CAMSAP2: variants seen among roughly 807,000 people sequenced by gnomAD.
CAMSAP2 encodes calmodulin regulated spectrin associated protein family member 2.
CAMSAP2 carries 26 observed loss-of-function variants against 146.1 expected under a neutral mutation model. The ratio of observed to expected loss-of-function variants is 0.18; its 90% CI spans 0.13 to 0.25. The LOEUF (loss-of-function observed/expected upper bound fraction) is 0.25, where lower values mean the gene tolerates loss of function less well. CAMSAP2 is among the 10% of genes least tolerant of loss of function. CAMSAP2 has a pLI of 1.00. For missense variants in CAMSAP2, 1,381 were observed against 1,759.3 expected, an observed-to-expected ratio of 0.78 and a Z score of 3.85; for synonymous variants, 499 against 596.6, an observed-to-expected ratio of 0.84 and a Z score of 2.38.
At chr1:200,759,552 C>T (rs989018576) in intron 1 of CAMSAP2, among the ~76,000 whole-genome samples, 1 of 152,192 alleles carries the variant, frequency 6.6e-6, no homozygotes, top group Non-Finnish European at 1.5e-5. Flanking sequence ...GCTGGGATTA[C>T]GGGCGTGAGC....
intron 4 of CAMSAP2, among the ~76,000 whole-genome samples, chr1:200,822,291 A>G (rs1216465672): frequency 6.6e-6 from 1 of 152,202 alleles, no homozygotes; most frequent in East Asian, 1.9e-4. Context: ...ACGACAGTAC[A>G]GGTAATTTAA....
chr1:200,828,583 A>G (rs1247474612), intron 4 of CAMSAP2: 5 of 1,550,060 alleles, frequency 3.2e-6, no homozygotes, highest in African/African-American at 1.4e-5. Context: ...TCTCCTTCCA[A>G]ATGGTTTTGG....
intron 6 of CAMSAP2, among the ~76,000 whole-genome samples, chr1:200,841,420 G>C (rs1023694597): frequency 6.6e-6 from 1 of 152,084 alleles, no homozygotes; most frequent in African/African-American, 2.4e-5. Flanking sequence ...CTAGTTTTTT[G>C]TATCTTTAGT....
At chr1:200,787,301 C>T (rs1665621536) in intron 2 of CAMSAP2, among the ~76,000 whole-genome samples, 1 of 152,084 alleles carries the variant, frequency 6.6e-6, no homozygotes, top group African/African-American at 2.4e-5. Flanking sequence ...AATCTAGATG[C>T]CATTCATGAT....
chr1:200,855,509 C>A (rs187416445), intron 14 of CAMSAP2, among the ~76,000 whole-genome samples: 1 of 152,152 alleles, frequency 6.6e-6, no homozygotes, highest in Admixed American at 6.5e-5. Flanking sequence ...TTCACTCTTT[C>A]AACAGATATT....
rs144674686 is a variant in CAMSAP2 at position 200,849,630 on chromosome 1, G to A, written c.2861G>A (p.Arg954His). 27 of 1,613,908 alleles carry A rather than the reference G, an allele frequency of 1.7e-5. No homozygotes were observed. Among genetic ancestry groups the A allele is most frequent in the East Asian group, 4.5e-5 (2 of 44,884 alleles). ...GCACCATTCTCCTCAGACTCCCCTC[G>A]TCCTACTCACCCATCTCCACAGTCT... ...AIAPFSSDSP[R>H]PTHPSPQSSN... The change falls in exon 11 of 17, where the codon CGT (arginine) becomes CAT (histidine). Residue 954 changes from arginine (R) to histidine (H), a missense_variant. Coordinates refer to ENST00000358823, the MANE Select transcript of CAMSAP2 (RefSeq NM_203459.4). The surrounding 1 kb of genome is among the most constrained non-coding windows in gnomAD (Gnocchi z 6.3).
intron 1 of CAMSAP2, among the ~76,000 whole-genome samples, chr1:200,750,474 T>C (rs1406995618): frequency 1.3e-5 from 2 of 152,126 alleles, no homozygotes; most frequent in Non-Finnish European, 2.9e-5. Context: ...GTATAAAGAA[T>C]TCCCAAATAC....
At chr1:200,821,284 G>A (rs1240989359) in intron 4 of CAMSAP2, among the ~76,000 whole-genome samples, 1 of 151,588 alleles carries the variant, frequency 6.6e-6, no homozygotes, top group Non-Finnish European at 1.5e-5. Context: ...CTGGGCTCAA[G>A]CAATCTTCCC....
At chr1:200,847,767 CTG>C (rs1371348844) in intron 10 of CAMSAP2, 58 bp downstream of exon 10, 2 of 1,373,106 alleles carry the variant, frequency 1.5e-6, no homozygotes, top group African/African-American at 2.9e-5. Context: ...CAAATTGCAT[CTG>C]TGTCTCTCTT....
chr1:200,817,724 T>C (rs1340420565), intron 4 of CAMSAP2, among the ~76,000 whole-genome samples: 1 of 152,262 alleles, frequency 6.6e-6, no homozygotes, highest in African/African-American at 2.4e-5. Flanking sequence ...AAAAATCTTG[T>C]GGAGGACCAC....
chr1:200,850,090 A>G lies in CAMSAP2; in HGVS notation c.3321A>G (p.Pro1107=). Residue 1107 remains proline, a synonymous_variant, in exon 11 of 17, where the codon CCA becomes CCG. Coordinates refer to ENST00000358823, the MANE Select transcript of CAMSAP2 (RefSeq NM_203459.4). ...AACCCGTTTTCCCACCCACTGCTCC[A>G]AAAAATGTTAATCTGATTGAAGTTT... ...PPKPVFPPTA[P]KNVNLIEVSL... The G allele has an allele frequency of 6.2e-7, 1 of 1,614,004 alleles. No individual in the cohort carries two copies. Among genetic ancestry groups the G allele is most frequent in the Non-Finnish European group, 8.5e-7 (1 of 1,179,956 alleles).
rs766954434 is a variant in CAMSAP2 at position 200,832,830 on chromosome 1, T to C, written c.912T>C (p.Ala304=). 6.3e-7 allele frequency: 1 copy of C among 1,576,510 alleles called. No individual in the cohort carries two copies. Among genetic ancestry groups the C allele is most frequent in the Non-Finnish European group, 8.6e-7 (1 of 1,166,152 alleles). ...TCACTCTGGAAGATATGCTCTATGCTGCTTCATCCATAAAGGTAAATTAAA... is the reference window on the plus strand; with the variant it reads ...TCACTCTGGAAGATATGCTCTATGCCGCTTCATCCATAAAGGTAAATTAAA... The part of the protein sequence containing the change: ...CHFTLEDMLY[A]ASSIKSNYLV... The change falls in exon 6 of 17, where the codon GCT becomes GCC. Residue 304 remains alanine (A), a synonymous_variant. Coordinates refer to ENST00000358823, the MANE Select transcript of CAMSAP2 (RefSeq NM_203459.4). This position sits in a 1 kb window ranked among gnomAD's most constrained non-coding sequence, Gnocchi z 4.2.
intron 1 of CAMSAP2, among the ~76,000 whole-genome samples, chr1:200,746,176 A>G (rs1400480098): frequency 6.6e-6 from 1 of 152,242 alleles, no homozygotes; most frequent in Non-Finnish European, 1.5e-5. Flanking sequence ...CACAATTTTT[A>G]AAAAGATGTC....
chr1:200,776,791 T>C (rs1665293357), intron 2 of CAMSAP2, among the ~76,000 whole-genome samples: 1 of 152,156 alleles, frequency 6.6e-6, no homozygotes, highest in Non-Finnish European at 1.5e-5. Context: ...CTTTTTATTT[T>C]ACCAAAATTA....
chr1:200,800,599 T>C (rs1321739463), intron 2 of CAMSAP2, among the ~76,000 whole-genome samples: 1 of 152,162 alleles, frequency 6.6e-6, no homozygotes, highest in Non-Finnish European at 1.5e-5. Context: ...AGCACACCAG[T>C]GGGTCTTGAC....
At chr1:200,845,451 G>A (rs1423649002) in intron 8 of CAMSAP2, among the ~76,000 whole-genome samples, 1 of 152,076 alleles carries the variant, frequency 6.6e-6, no homozygotes. Flanking sequence ...CTCAAGCAGA[G>A]GTGAAAATAG....
chr1:200,811,719 A>G (rs1422749512), intron 3 of CAMSAP2, among the ~76,000 whole-genome samples: 1 of 152,138 alleles, frequency 6.6e-6, no homozygotes, highest in Non-Finnish European at 1.5e-5. Flanking sequence ...TTTATAGTGC[A>G]GCTTGGATCA....
intron 12 of CAMSAP2, 151 bp downstream of exon 12, chr1:200,852,828 C>T (rs1291201359): frequency 1.4e-6 from 1 of 733,722 alleles, no homozygotes; most frequent in Admixed American, 3.7e-5. Context: ...AGATAGACAG[C>T]TGGATCAATG....
intron 2 of CAMSAP2, among the ~76,000 whole-genome samples, chr1:200,767,169 A>G (rs1445083646): frequency 2.6e-5 from 4 of 152,098 alleles, no homozygotes; most frequent in African/African-American, 9.7e-5. Flanking sequence ...CATCTCTACT[A>G]AAAATACAAA....
Sources: allele counts gnomAD v4.1 joint callset (sites outside exome capture counted in the v4.1 genomes callset), GRCh38; gene constraint gnomAD v4.1.1; non-coding constraint Gnocchi (gnomAD v3.1); transcripts MANE v1.5; gene names NCBI Gene and HGNC (gene_info 2026-07-23, HGNC 2026-07-21).